Variants in EDC3 observed in about 807,000 individuals in gnomAD.
The protein encoded by EDC3 is enhancer of mRNA decapping 3, also known as enhancer of mRNA-decapping protein 3.
A neutral mutation model predicts 41.8 loss-of-function variants in EDC3; 20 were observed. That is an observed-to-expected ratio of 0.48 (90% confidence interval 0.34 to 0.70). The LOEUF (loss-of-function observed/expected upper bound fraction) is 0.70, where lower values mean the gene tolerates loss of function less well. EDC3 is among the 30% of genes least tolerant of loss of function. The pLI is 0.01. For synonymous variants in EDC3, 206 were observed against 243.2 expected (o/e 0.85, Z 1.42); for missense variants, 444 against 636.8 (o/e 0.70, Z 3.26).
chr15:74,677,591 G>A (rs930238487), intron 1 of EDC3, among the ~76,000 whole-genome samples: 2 of 151,884 alleles, frequency 1.3e-5, no homozygotes, highest in East Asian at 1.9e-4. Flanking sequence ...GGCTGGTCTC[G>A]AACTCCTGAC....
At chr15:74,679,757 CAAAAAAAAAAAAAA>C (rs769465964) in intron 1 of EDC3, 1 of 46,552 alleles carries the variant, frequency 2.1e-5, no homozygotes, top group East Asian at 7.5e-4. Flanking sequence ...TTATTTCTAC[CAAAAAAAAAAAAAA>C]AAAAAAAAAA....
At chr15:74,652,570 T>A (rs1257205881) in intron 4 of EDC3, among the ~76,000 whole-genome samples, 1 of 148,412 alleles carries the variant, frequency 6.7e-6, no homozygotes, top group African/African-American at 2.5e-5. Context: ...AAAGGAGATG[T>A]GATGGGTAAG....
chr15:74,668,748 A>AAGAG (rs2062706450), intron 3 of EDC3, among the ~76,000 whole-genome samples: 1 of 151,876 alleles, frequency 6.6e-6, no homozygotes, highest in Admixed American at 6.6e-5. Context: ...GAAAGAAAGA[A>AAGAG]AGAAAGAAAG....
chr15:74,678,590 G>T (rs142943460), intron 1 of EDC3, among the ~76,000 whole-genome samples: 17 of 152,142 alleles, frequency 1.1e-4, no homozygotes, highest in African/African-American at 4.1e-4. Flanking sequence ...CAAACTTTTA[G>T]AAAACACAGG....
chr15:74,691,664 G>T (rs1596338170), intron 1 of EDC3, among the ~76,000 whole-genome samples: 1 of 152,164 alleles, frequency 6.6e-6, no homozygotes, highest in African/African-American at 2.4e-5. Context: ...TGGATAACTA[G>T]ATGATCAATT....
At chr15:74,664,080 T>C (rs2062652154) in intron 3 of EDC3, among the ~76,000 whole-genome samples, 1 of 152,230 alleles carries the variant, frequency 6.6e-6, no homozygotes, top group African/African-American at 2.4e-5. Flanking sequence ...TTCTAAACAC[T>C]GTCAGGAAAG....
At chr15:74,658,295 G>C (rs2062575283) in intron 3 of EDC3, among the ~76,000 whole-genome samples, 1 of 152,088 alleles carries the variant, frequency 6.6e-6, no homozygotes, top group Non-Finnish European at 1.5e-5. Context: ...AACCAACTAT[G>C]CTGCCCTAAC....
At chr15:74,684,396 G>A (rs911483949) in intron 1 of EDC3, among the ~76,000 whole-genome samples, 1 of 146,292 alleles carries the variant, frequency 6.8e-6, no homozygotes, top group African/African-American at 2.5e-5. Flanking sequence ...CAACTCCTGA[G>A]TTCAAGCTAT....
intron 4 of EDC3, among the ~76,000 whole-genome samples, chr15:74,653,501 C>T (rs1334547564): frequency 1.3e-5 from 2 of 152,128 alleles, no homozygotes; most frequent in Non-Finnish European, 2.9e-5. Context: ...GCTCTATTTC[C>T]AGCACAGACG....
In EDC3 at chr15:74,671,201, T is replaced by C. The variant is rs1480387716; in HGVS notation, c.484+254A>G. On this transcript the variant is annotated intron_variant, in intron 3 of 6. Coordinates refer to ENST00000315127, the MANE Select transcript of EDC3 (RefSeq NM_025083.5). The surrounding 1 kb of genome is among the most constrained non-coding windows in gnomAD (Gnocchi z 4.6). ...TTAAAACATCACTGTTAGTAAACTC[T>C]GGGCAGACTTTTCCTGAAGGAAGTG... 1.3e-5 allele frequency among the ~76,000 whole-genome samples: 2 copies of C among 152,144 alleles called. No individual in the cohort carries two copies. The highest frequency in any genetic ancestry group is 4.8e-5 in the African/African-American group (2 of 41,430).
At chr15:74,682,927 C>T (rs571835340) in intron 1 of EDC3, among the ~76,000 whole-genome samples, 18 of 151,940 alleles carry the variant, frequency 1.2e-4, no homozygotes, top group Middle Eastern at 3.5e-3. Flanking sequence ...GAGGCTGAGG[C>T]GGGAGAATCG....
intron 4 of EDC3, among the ~76,000 whole-genome samples, chr15:74,646,087 CAG>C (rs2062415029): frequency 7.6e-6 from 1 of 131,226 alleles, no homozygotes; most frequent in Non-Finnish European, 1.6e-5. Context: ...TTTTTTGAGA[CAG>C]AGTTCAGAGT....
chr15:74,686,471 G>A (rs900642089), intron 1 of EDC3, among the ~76,000 whole-genome samples: 1 of 150,328 alleles, frequency 6.7e-6, no homozygotes, highest in African/African-American at 2.4e-5. Context: ...TGGGCAACAA[G>A]AACAAGACTC....
At chr15:74,683,627 T>A (rs979872957) in intron 1 of EDC3, among the ~76,000 whole-genome samples, 6 of 152,160 alleles carry the variant, frequency 3.9e-5, no homozygotes, top group African/African-American at 1.2e-4. Context: ...TTTTGCAAGA[T>A]GTTACCAACA....
At chr15:74,638,107 CT>C (rs1283010222) in intron 5 of EDC3, 1 of 152,136 alleles carries the variant, frequency 6.6e-6, no homozygotes, top group Non-Finnish European at 1.5e-5. Flanking sequence ...AGACTATTTC[CT>C]TGGTTCTTAC....
intron 3 of EDC3, among the ~76,000 whole-genome samples, chr15:74,666,827 C>T (rs755091982): frequency 6.6e-6 from 1 of 152,004 alleles, no homozygotes; most frequent in Admixed American, 6.6e-5. Flanking sequence ...AAAGAGTGAG[C>T]CTTAGTGTTT....
At chr15:74,664,355 GACAA>G (rs1412193756) in intron 3 of EDC3, among the ~76,000 whole-genome samples, 8 of 152,376 alleles carry the variant, frequency 5.3e-5, no homozygotes, top group South Asian at 2.1e-4. Context: ...CCTTGGAAAA[GACAA>G]ACAGTCTTCC....
At chr15:74,646,467 G>A (rs981975764) in intron 4 of EDC3, among the ~76,000 whole-genome samples, 1 of 152,212 alleles carries the variant, frequency 6.6e-6, no homozygotes, top group Admixed American at 6.5e-5. Context: ...TCCTGAGCAC[G>A]AGTGCAAAGT....
intron 5 of EDC3, chr15:74,635,961 A>T: frequency 3.5e-6 from 1 of 289,812 alleles, no homozygotes; most frequent in South Asian, 4.7e-5. Flanking sequence ...TTCTTCCCCA[A>T]CGTGTCTGCT....
Sources: allele counts gnomAD v4.1 joint callset (sites outside exome capture counted in the v4.1 genomes callset), GRCh38; gene constraint gnomAD v4.1.1; non-coding constraint Gnocchi (gnomAD v3.1); transcripts MANE v1.5; gene names NCBI Gene and HGNC (gene_info 2026-07-23, HGNC 2026-07-21).